Variants in MBD5 observed in about 807,000 individuals in gnomAD.
The protein encoded by MBD5 is methyl-CpG-binding domain protein 5.
MBD5 carries 13 observed loss-of-function variants against 117.3 expected under a neutral mutation model. The ratio of observed to expected loss-of-function variants is 0.11; its 90% CI spans 0.07 to 0.18. MBD5 has a LOEUF of 0.18. Ranked by LOEUF, MBD5 falls within the 10% of genes least tolerant of loss-of-function variation. The pLI is 1.00. For synonymous variants in MBD5, 727 were observed against 766.4 expected (o/e 0.95, Z 0.85); for missense variants, 1,879 against 2,093.8 (o/e 0.90, Z 2.00).
chr2:148,512,375 G>C, intron 13 of MBD5: 1 of 199,016 alleles, frequency 5.0e-6, no homozygotes, highest in Non-Finnish European at 1.0e-5. Flanking sequence ...CTTGGGCTGA[G>C]CTATGTGTGC....
At chr2:148,188,661 C>T (rs1362138459) in intron 2 of MBD5, among the ~76,000 whole-genome samples, 2 of 124,460 alleles carry the variant, frequency 1.6e-5, no homozygotes, top group Non-Finnish European at 3.2e-5. Flanking sequence ...GTAGCCTGGG[C>T]AACAGTGTGA....
intron 1 of MBD5, among the ~76,000 whole-genome samples, chr2:148,049,221 C>G (rs909213915): frequency 1.3e-5 from 2 of 152,144 alleles, no homozygotes; most frequent in Admixed American, 6.6e-5. Context: ...AGAAACTGGA[C>G]ATCACCTTAG....
chr2:148,340,925 T>G (rs924275937), intron 3 of MBD5, among the ~76,000 whole-genome samples: 1 of 151,780 alleles, frequency 6.6e-6, no homozygotes, highest in Non-Finnish European at 1.5e-5. Flanking sequence ...TGAATGTTAA[T>G]CCTTATAACA....
chr2:148,228,814 A>C (rs1214814100), intron 2 of MBD5, among the ~76,000 whole-genome samples: 1 of 152,188 alleles, frequency 6.6e-6, no homozygotes, highest in Non-Finnish European at 1.5e-5. Flanking sequence ...TCAGAGATTC[A>C]ACTTCTTCCT....
intron 2 of MBD5, among the ~76,000 whole-genome samples, chr2:148,208,103 C>T (rs1285612940): frequency 6.6e-6 from 1 of 152,136 alleles, no homozygotes; most frequent in Non-Finnish European, 1.5e-5. Flanking sequence ...CCAGCTTCTG[C>T]TGGATGCTGC....
chr2:148,321,713 A>G (rs1315138055), intron 3 of MBD5, among the ~76,000 whole-genome samples: 1 of 151,942 alleles, frequency 6.6e-6, no homozygotes. Flanking sequence ...TTCCCATTCC[A>G]TTTGCTTACT....
rs540442471 is a variant in MBD5, at chr2:148,227,501, G to T, written c.-830-5744G>T. Among the ~76,000 whole-genome samples, 5 of 152,266 alleles carry T rather than the reference G, an allele frequency of 3.3e-5. No individual in the cohort carries two copies. The East Asian group carries it at 9.7e-4, about 29-fold the overall frequency. On this transcript the variant is annotated intron_variant, in intron 2 of 13. Coordinates refer to ENST00000642680, the MANE Select transcript of MBD5 (RefSeq NM_001378120.1). ...TCTGTTTTGGTACCAGTACCATGCT[G>T]TTTTAGTTACTGTGGGCTTGTAGTA...
At chr2:148,150,858 T>G (rs1176601883) in intron 1 of MBD5, among the ~76,000 whole-genome samples, 1 of 152,170 alleles carries the variant, frequency 6.6e-6, no homozygotes, top group Non-Finnish European at 1.5e-5. Flanking sequence ...CAATGGGGTG[T>G]TCTAGATATA....
chr2:148,276,880 A>T (rs1485922886), intron 3 of MBD5, among the ~76,000 whole-genome samples: 1 of 152,120 alleles, frequency 6.6e-6, no homozygotes, highest in Non-Finnish European at 1.5e-5. Flanking sequence ...GCATGTTTCC[A>T]GTATCAGGAT....
intron 4 of MBD5, among the ~76,000 whole-genome samples, chr2:148,345,127 G>A (rs1409146465): frequency 6.6e-6 from 1 of 151,492 alleles, no homozygotes; most frequent in Admixed American, 6.6e-5. Flanking sequence ...AGGCAGTTTG[G>A]AGTTGTATTA....
At chr2:148,406,872 CTCA>C (rs1705095115) in intron 4 of MBD5, among the ~76,000 whole-genome samples, 1 of 152,214 alleles carries the variant, frequency 6.6e-6, no homozygotes, top group South Asian at 2.1e-4. Context: ...ATGCCACCCT[CTCA>C]GAAGAGACTT....
intron 3 of MBD5, among the ~76,000 whole-genome samples, chr2:148,293,912 C>G (rs1325218141): frequency 1.3e-5 from 2 of 152,216 alleles, no homozygotes; most frequent in African/African-American, 4.8e-5. Flanking sequence ...GATAGACCCA[C>G]AGTACTTTCT....
At chr2:148,265,995 TTAGA>T (rs1363095786) in intron 3 of MBD5, among the ~76,000 whole-genome samples, 2 of 152,042 alleles carry the variant, frequency 1.3e-5, no homozygotes, top group Non-Finnish European at 1.5e-5. Context: ...AAATGGCGAC[TTAGA>T]TTGGGGTGGA....
intron 1 of MBD5, among the ~76,000 whole-genome samples, chr2:148,092,162 A>G (rs1173301294): frequency 6.6e-6 from 1 of 152,176 alleles, no homozygotes; most frequent in African/African-American, 2.4e-5. Flanking sequence ...TCAAAAAATA[A>G]CAGATGTTGG....
chr2:148,149,159 A>G (rs1430669212), intron 1 of MBD5, among the ~76,000 whole-genome samples: 1 of 144,072 alleles, frequency 6.9e-6, no homozygotes, highest in Non-Finnish European at 1.5e-5. Context: ...CTCATTGTTC[A>G]ATTCCCACCT....
rs776726880 is a variant in MBD5 at position 148,510,072 on chromosome 2, A to T, written c.5049A>T (p.Leu1683=). ...VRKRNRKSGK[L]NNHLEAAIHE... is the part of the protein sequence containing the mutation. ...TCATTAATTCCAGAAGTGGAAAGCT[A>T]AATAACCATTTAGAAGCTGCTATTC... Residue 1683 remains leucine, a synonymous_variant, in exon 13 of 14, where the codon CTA becomes CTT. Coordinates refer to ENST00000642680, the MANE Select transcript of MBD5 (RefSeq NM_001378120.1). 4 of 1,611,098 alleles carry T rather than the reference A, an allele frequency of 2.5e-6. No individual in the cohort carries two copies. Among genetic ancestry groups the T allele is most frequent in the Non-Finnish European group, 3.4e-6 (4 of 1,177,588 alleles).
intron 1 of MBD5, chr2:148,054,386 A>G (rs2105782338): frequency 6.6e-6 from 1 of 152,334 alleles, no homozygotes; most frequent in Middle Eastern, 3.4e-3. Context: ...ATTTGTGCTT[A>G]ACAGCCCACA....
rs745758671 is a variant in MBD5 at position 148,490,463 on chromosome 2, T to C, written c.4831T>C (p.Tyr1611His). The C allele has an allele frequency of 6.2e-7, 1 of 1,614,132 alleles. No individual in the cohort carries two copies. The highest frequency in any genetic ancestry group is 8.5e-7 in the Non-Finnish European group (1 of 1,180,024). Residue 1611 changes from tyrosine (Y) to histidine (H), a missense_variant, in exon 11 of 14, where the codon TAT (tyrosine) becomes CAT (histidine). Transcript: ENST00000642680. ...CCCCTCTTCAAATGAATTGATACATTATAGACCAAGGACGTTCAATGTTGG... is the reference window on the plus strand; with the variant it reads ...CCCCTCTTCAAATGAATTGATACATCATAGACCAAGGACGTTCAATGTTGG... ...DSPSSNELIH[Y>H]RPRTFNVGDL...
At chr2:148,169,983 C>T (rs12469621) in intron 1 of MBD5, among the ~76,000 whole-genome samples, 46,760 of 151,438 alleles carry the variant, frequency 0.31, 8,356 homozygotes, top group East Asian at 0.46. Flanking sequence ...CTGCAAGCTC[C>T]GCCTCCCGGG....
Sources: allele counts gnomAD v4.1 joint callset (sites outside exome capture counted in the v4.1 genomes callset), GRCh38; gene constraint gnomAD v4.1.1; transcripts MANE v1.5; gene names NCBI Gene and HGNC (gene_info 2026-07-23, HGNC 2026-07-21).